Variants in TENM3 observed in about 807,000 individuals in gnomAD.
TENM3 encodes the protein teneurin transmembrane protein 3, also known as teneurin-3.
A neutral mutation model predicts 255.1 loss-of-function variants in TENM3; 63 were observed. The observed-to-expected ratio is 0.25, with a 90% CI of 0.20 to 0.30. The LOEUF (loss-of-function observed/expected upper bound fraction) is 0.30, where lower values mean the gene tolerates loss of function less well. Among genes scored for constraint, TENM3 ranks in the 10% least tolerant of loss-of-function variants. TENM3 has a pLI of 1.00. For missense variants in TENM3, 2,929 were observed against 3,461.1 expected (o/e 0.85, Z 3.86); for synonymous variants, 1,306 against 1,322.3 (o/e 0.99, Z 0.27).
chr4:181,906,013 C>G, the TENM3 span: 67 of 468,698 alleles, frequency 1.4e-4, 1 homozygote, highest in South Asian at 1.2e-3. Context: ...TTCATTATAT[C>G]TCGTAACAGT....
At chr4:181,927,687 G>A in the TENM3 span, among the ~76,000 whole-genome samples, 1 of 152,182 alleles carries the variant, frequency 6.6e-6, no homozygotes, top group Non-Finnish European at 1.5e-5. Context: ...GGGACAGACT[G>A]ACTCCTCAAG....
chr4:182,713,152 A>G lies in TENM3; in HGVS notation c.2222-935A>G, dbSNP rs551716289. On this transcript the variant is annotated intron_variant, in intron 12 of 27. Transcript: ENST00000511685. ...TTTCCCAAATTTTCCCTCCTTGCCC[A>G]TAAAAGCAGACAAGATAGGATATAA... Among the ~76,000 whole-genome samples, 10 of 152,332 alleles carry G rather than the reference A, an allele frequency of 6.6e-5. No individual in the cohort carries two copies. The East Asian group carries it at 1.3e-3, about 21-fold the overall frequency.
Position 182,731,147 on chromosome 4 carries a change from A to G in TENM3, c.2967+8A>G. 1 of 1,611,780 alleles carries G rather than the reference A, an allele frequency of 6.2e-7. No individual in the cohort carries two copies. Reference sequence around the variant, plus strand: ...ATCATTCCCGAAACACAGGTAAAATATTCTCACAGGCAGTACTTGTAAATA... The same window carrying G: ...ATCATTCCCGAAACACAGGTAAAATGTTCTCACAGGCAGTACTTGTAAATA... On this transcript the variant is annotated splice_region_variant and intron_variant, in intron 16 of 27. Coordinates refer to ENST00000511685, the MANE Select transcript of TENM3 (RefSeq NM_001080477.4).
the TENM3 span, among the ~76,000 whole-genome samples, chr4:181,724,577 T>C: frequency 2.6e-5 from 4 of 152,222 alleles, no homozygotes; most frequent in African/African-American, 9.6e-5. Flanking sequence ...CTCTGTAAGA[T>C]AATTCATATA....
chr4:181,588,196 C>T, the TENM3 span, among the ~76,000 whole-genome samples: 14 of 152,292 alleles, frequency 9.2e-5, no homozygotes, highest in Middle Eastern at 3.4e-3. Context: ...GAATGCCCTG[C>T]GGTGTACTGT....
chr4:181,706,154 G>A, the TENM3 span, among the ~76,000 whole-genome samples: 3 of 152,114 alleles, frequency 2.0e-5, no homozygotes, highest in African/African-American at 7.2e-5. Flanking sequence ...TAGAGATGCT[G>A]TTGTCTCCCT....
At chr4:181,663,686 G>A in the TENM3 span, among the ~76,000 whole-genome samples, 1 of 152,156 alleles carries the variant, frequency 6.6e-6, no homozygotes, top group Non-Finnish European at 1.5e-5. Flanking sequence ...TTCTGAGTGA[G>A]GTTTGACACC....
At chr4:182,319,930 T>C (rs1414046973) in intron 1 of TENM3, among the ~76,000 whole-genome samples, 1 of 152,082 alleles carries the variant, frequency 6.6e-6, no homozygotes, top group African/African-American at 2.4e-5. Flanking sequence ...CTTGCCAACA[T>C]GGTGAAACCC....
chr4:181,612,705 G>T, the TENM3 span, among the ~76,000 whole-genome samples: 1 of 151,856 alleles, frequency 6.6e-6, no homozygotes, highest in Non-Finnish European at 1.5e-5. Context: ...TTAAACCATC[G>T]AATAGCAAGA....
At chr4:182,275,577 G>T (rs1422335429) in intron 1 of TENM3, among the ~76,000 whole-genome samples, 2 of 152,068 alleles carry the variant, frequency 1.3e-5, no homozygotes, top group African/African-American at 4.8e-5. Flanking sequence ...TTTTGCTGGG[G>T]TAATGGAGAA....
At chr4:182,487,695 T>C (rs1580719055) in intron 3 of TENM3, among the ~76,000 whole-genome samples, 2 of 152,182 alleles carry the variant, frequency 1.3e-5, no homozygotes, top group South Asian at 2.1e-4. Flanking sequence ...ATGTAAAATA[T>C]GATTTTTCTC....
the TENM3 span, among the ~76,000 whole-genome samples, chr4:181,581,327 G>A: frequency 6.6e-6 from 1 of 152,102 alleles, no homozygotes; most frequent in South Asian, 2.1e-4. Context: ...TGTAATCCCA[G>A]CTACTCGGGA....
At chr4:181,595,376 A>G in the TENM3 span, among the ~76,000 whole-genome samples, 1 of 143,302 alleles carries the variant, frequency 7.0e-6, no homozygotes, top group Non-Finnish European at 1.5e-5. Context: ...GGCTGCAGTG[A>G]GCTGAGGTCG....
the TENM3 span, among the ~76,000 whole-genome samples, chr4:181,856,760 T>C: frequency 0.046 from 7,060 of 152,220 alleles, 359 homozygotes; most frequent in East Asian, 0.22. Context: ...CTGTTGTATT[T>C]ATCTTGAATC....
chr4:182,620,212 G>A (rs1004990318), intron 4 of TENM3, among the ~76,000 whole-genome samples: 6 of 152,100 alleles, frequency 3.9e-5, no homozygotes, highest in African/African-American at 1.4e-4. Flanking sequence ...TTCCTTGTGC[G>A]GAAACTCACT....
Position 182,792,200 on chromosome 4 carries a change from A to G in TENM3, c.5602-74A>G, listed in dbSNP as rs1766159054. The G allele has an allele frequency of 7.6e-7, 1 of 1,320,164 alleles. No homozygotes were observed. Among genetic ancestry groups the G allele is most frequent in the Non-Finnish European group, 1.1e-6 (1 of 939,898 alleles). 81.8% of individuals were successfully genotyped at this position (1,320,164 alleles called of 1,614,324 possible). Reference sequence around the variant, plus strand: ...TTTCTCTAGTGGAATGTTTCTGTGCATCTGTGGTCACTAAATCTGCTTTTG... The same window carrying G: ...TTTCTCTAGTGGAATGTTTCTGTGCGTCTGTGGTCACTAAATCTGCTTTTG... On this transcript the variant is annotated intron_variant, in intron 25 of 27. Transcript: ENST00000511685. This position sits in a 1 kb window ranked among gnomAD's most constrained non-coding sequence, Gnocchi z 6.3.
the TENM3 span, among the ~76,000 whole-genome samples, chr4:181,573,945 CA>C: frequency 6.6e-6 from 1 of 151,402 alleles, no homozygotes; most frequent in East Asian, 1.9e-4. Context: ...TCACAGGCAG[CA>C]AAAAAAATCC....
At chr4:182,729,575 A>T (rs1198040573) in intron 14 of TENM3, among the ~76,000 whole-genome samples, 1 of 152,124 alleles carries the variant, frequency 6.6e-6, no homozygotes, top group Non-Finnish European at 1.5e-5. Context: ...GGAACTGCTG[A>T]CGGCATGGCA....
chr4:181,825,192 A>G, the TENM3 span, among the ~76,000 whole-genome samples: 1 of 152,032 alleles, frequency 6.6e-6, no homozygotes, highest in Non-Finnish European at 1.5e-5. Context: ...CATGAGGTCA[A>G]GAGACCAAGA....
Sources: allele counts gnomAD v4.1 joint callset (sites outside exome capture counted in the v4.1 genomes callset), GRCh38; gene constraint gnomAD v4.1.1; non-coding constraint Gnocchi (gnomAD v3.1); transcripts MANE v1.5; gene names NCBI Gene and HGNC (gene_info 2026-07-23, HGNC 2026-07-21).